The following SLC44A2 variants were observed in gnomAD, a reference collection of about 807,000 sequenced individuals.
SLC44A2 encodes solute carrier family 44 member 2 (CTL2 blood group).
In SLC44A2, 57 loss-of-function variants were observed where a neutral mutation model predicts 90.8. The ratio of observed to expected loss-of-function variants is 0.63; its 90% confidence interval spans 0.51 to 0.78. The LOEUF is 0.78. SLC44A2 is among the 30% of genes least tolerant of loss of function. The probability of loss-of-function intolerance (pLI) is 0.00; values close to 1 mark genes in which losing one functional copy is unlikely to be tolerated. For synonymous variants in SLC44A2, 355 were observed against 360.7 expected, an observed-to-expected ratio of 0.98 and a Z score of 0.18; for missense variants, 794 against 919.7, an observed-to-expected ratio of 0.86 and a Z score of 1.77.
At chr19:10,636,270 C>A (rs2067052805) in intron 14 of SLC44A2, 53 bp from the exon 15 acceptor site, 3 of 1,567,400 alleles carry the variant, frequency 1.9e-6, no homozygotes, top group Non-Finnish European at 2.6e-6. Flanking sequence ...TCAGAGCCCA[C>A]TGTGAACCCC....
chr19:10,628,563 A>T (rs1472232474), intron 4 of SLC44A2, among the ~76,000 whole-genome samples: 1 of 152,170 alleles, frequency 6.6e-6, no homozygotes, highest in Non-Finnish European at 1.5e-5. Context: ...ACAAAACAAC[A>T]AGAAAAGAAA....
chr19:10,614,781 G>T (rs1240724815), intron 1 of SLC44A2, among the ~76,000 whole-genome samples: 1 of 151,846 alleles, frequency 6.6e-6, no homozygotes, highest in Non-Finnish European at 1.5e-5. Flanking sequence ...GACCAACCTG[G>T]CCAACATGGT....
intron 21 of SLC44A2, chr19:10,642,962 G>C (rs745977304): frequency 8.8e-6 from 14 of 1,592,262 alleles, no homozygotes; most frequent in Non-Finnish European, 1.2e-5. Flanking sequence ...CGAGCTGAGA[G>C]ACATCCTGTT....
chr19:10,608,791 A>C (rs1230744261), intron 1 of SLC44A2, among the ~76,000 whole-genome samples: 1 of 151,590 alleles, frequency 6.6e-6, no homozygotes, highest in Non-Finnish European at 1.5e-5. Flanking sequence ...CTGGGACTAC[A>C]AGATTCGAGT....
intron 1 of SLC44A2, chr19:10,602,580 C>A: frequency 7.9e-7 from 1 of 1,266,718 alleles, no homozygotes; most frequent in South Asian, 3.1e-5. Flanking sequence ...CGCCTCCGGT[C>A]AGGGGCCGCC....
chr19:10,624,710 C>G (rs1404003450), upstream of SLC44A2, among the ~76,000 whole-genome samples: 1 of 152,204 alleles, frequency 6.6e-6, no homozygotes, highest in Non-Finnish European at 1.5e-5. Context: ...TCAGAGGGTG[C>G]AGAAGGAGCA....
chr19:10,642,141 A>G (rs1239769479), intron 20 of SLC44A2, among the ~76,000 whole-genome samples: 2 of 148,246 alleles, frequency 1.3e-5, no homozygotes, highest in Non-Finnish European at 3.0e-5. Context: ...TGGGCAACAG[A>G]GTGAGATTCC....
upstream of SLC44A2, among the ~76,000 whole-genome samples, chr19:10,624,926 G>A (rs549508367): frequency 7.2e-5 from 11 of 152,292 alleles, no homozygotes; most frequent in South Asian, 1.0e-3. Flanking sequence ...CACGAGTCCA[G>A]GAGTTAAAGA....
At chr19:10,611,011 T>TA (rs935379383) in intron 1 of SLC44A2, among the ~76,000 whole-genome samples, 59 of 151,812 alleles carry the variant, frequency 3.9e-4, no homozygotes, top group African/African-American at 1.3e-3. Context: ...ATTTTTAATT[T>TA]AAAAAAAAAT....
intron 20 of SLC44A2, chr19:10,640,918 C>T (rs147351845): frequency 0.046 from 10,378 of 223,398 alleles, 336 homozygotes; most frequent in Non-Finnish European, 0.068. Flanking sequence ...AACCCCATCT[C>T]TACTAAAAAT....
At chr19:10,606,288 A>G (rs1333586439) in intron 1 of SLC44A2, among the ~76,000 whole-genome samples, 3 of 152,096 alleles carry the variant, frequency 2.0e-5, no homozygotes, top group Non-Finnish European at 2.9e-5. Flanking sequence ...ACAGAGGAAG[A>G]CCCTGTCTCA....
chr19:10,629,951 C>T (rs746233791), intron 4 of SLC44A2, among the ~76,000 whole-genome samples: 4 of 152,000 alleles, frequency 2.6e-5, no homozygotes, highest in East Asian at 1.9e-4. Flanking sequence ...GACGGGGTTT[C>T]GCCACGTTGG....
intron 16 of SLC44A2, 129 bp from the exon 17 acceptor site, chr19:10,637,515 C>A (rs1317714221): frequency 3.8e-6 from 3 of 790,994 alleles, no homozygotes; most frequent in Non-Finnish European, 6.4e-6. Flanking sequence ...GGGCTTAAGT[C>A]CCTGTCTCTT....
In SLC44A2 at chr19:10,636,763, C is replaced by A. The variant is rs746057939; in HGVS notation, c.1591+7C>A. On this transcript the variant is annotated splice_region_variant and intron_variant, in intron 16 of 21. Transcript: ENST00000335757. The stretch of plus-strand genomic sequence containing the variant: ...CTGGATCAGCGGCTGAAAGGTACGT[C>A]CCACCCACGGTTCGCATTAGCTCCT... The A allele has an allele frequency of 1.1e-5, 17 of 1,612,100 alleles. No homozygotes were observed. Among genetic ancestry groups the A allele is most frequent in the Non-Finnish European group, 1.4e-5 (17 of 1,179,100 alleles).
chr19:10,630,981 G>A, intron 4 of SLC44A2, 76 bp from the exon 5 acceptor site: 1 of 1,173,644 alleles, frequency 8.5e-7, no homozygotes. Context: ...CTCCATCCTG[G>A]GCAACAAGAG....
Position 10,642,422 on chromosome 19 carries a change from T to C in SLC44A2, c.1985T>C (p.Met662Thr). Reference sequence around the variant, plus strand: ...CACGGTTTCTTCAGCGTCTATGGCATGTGTGTGGACACGCTGTTCCTCTGC... The same window carrying C: ...CACGGTTTCTTCAGCGTCTATGGCACGTGTGTGGACACGCTGTTCCTCTGC... ...IAHGFFSVYGMCVDTLFLCFL... is the reference protein window; with the variant it reads ...IAHGFFSVYGTCVDTLFLCFL... The change falls in exon 21 of 22, where the codon ATG becomes ACG. Residue 662 changes from methionine (M) to threonine (T), a missense_variant. This residue lies in a region of SLC44A2 where 12 missense variants were observed against 34.7 expected (regional missense o/e 0.35). Coordinates refer to ENST00000335757, the MANE Select transcript of SLC44A2 (RefSeq NM_020428.4). 1 of 1,614,160 alleles carries C rather than the reference T, an allele frequency of 6.2e-7. No individual in the cohort carries two copies. The highest frequency in any genetic ancestry group is 8.5e-7 in the Non-Finnish European group (1 of 1,180,022).
chr19:10,602,570 C>T, intron 1 of SLC44A2: 1 of 1,270,536 alleles, frequency 7.9e-7, no homozygotes. Context: ...CGGTAGGAGC[C>T]GCCTCCGGTC....
intron 10 of SLC44A2, among the ~76,000 whole-genome samples, chr19:10,632,911 A>T (rs1286166028): frequency 6.6e-6 from 1 of 151,424 alleles, no homozygotes; most frequent in Non-Finnish European, 1.5e-5. Context: ...GCCTCAGGAG[A>T]TCTGCCCGCT....
chr19:10,620,373 C>T (rs369406954), intron 1 of SLC44A2, among the ~76,000 whole-genome samples: 4 of 151,750 alleles, frequency 2.6e-5, no homozygotes, highest in Non-Finnish European at 5.9e-5. Context: ...TCCAGTTACC[C>T]GGGGGTGCTG....
Sources: gnomAD v4.1 joint callset for allele counts (sites outside exome capture counted in the v4.1 genomes callset) on GRCh38, gnomAD v4.1.1 for gene constraint, gnomAD v4.1.1 regional missense constraint, MANE v1.5 for transcripts, NCBI Gene and HGNC (gene_info 2026-07-23, HGNC 2026-07-21) for gene names.